The following JHY variants were observed in gnomAD, a reference collection of about 807,000 sequenced individuals.
JHY encodes the protein junctional cadherin complex regulator.
JHY carries 69 observed loss-of-function variants against 78.0 expected under a neutral mutation model. The ratio of observed to expected loss-of-function variants is 0.88; its 90% confidence interval spans 0.73 to 1.08. The LOEUF (loss-of-function observed/expected upper bound fraction) is 1.08. JHY is among the 50% of genes least tolerant of loss of function. The probability of loss-of-function intolerance (pLI) is 0.00; values close to 1 mark genes in which losing one functional copy is unlikely to be tolerated. For synonymous variants in JHY, 368 were observed against 342.6 expected (o/e 1.07, Z -0.82); for missense variants, 944 against 927.8 (o/e 1.02, Z -0.23).
In JHY at chr11:122,898,470, T is replaced by C. The variant is rs1296467574; in HGVS notation, c.345-5455T>C. Reference sequence around the variant, plus strand: ...AATGGGGGTAATAATAGTACTTCCCTTAACATTGTTCCAAGGAAAAAAAAC... The same window carrying C: ...AATGGGGGTAATAATAGTACTTCCCCTAACATTGTTCCAAGGAAAAAAAAC... On this transcript the variant is annotated intron_variant, in intron 2 of 8. Coordinates refer to ENST00000227349, the MANE Select transcript of JHY (RefSeq NM_024806.4). This position sits in a 1 kb window ranked among gnomAD's most constrained non-coding sequence, Gnocchi z 4.4. Among the ~76,000 whole-genome samples the C allele has an allele frequency of 6.6e-6, 1 of 152,150 alleles. No homozygotes were observed. The highest frequency in any genetic ancestry group is 2.4e-5 in the African/African-American group (1 of 41,440).
Position 122,962,746 on chromosome 11 carries a change from G to C in JHY, c.*3301G>C, listed in dbSNP as rs186508318. On this transcript the variant is annotated 3_prime_UTR_variant, in exon 9 of 9. Coordinates refer to ENST00000227349, the MANE Select transcript of JHY (RefSeq NM_024806.4). The stretch of plus-strand genomic sequence containing the variant: ...ATTTGTATTATCTTAAAATAGTTTA[G>C]AGCTTGGAAAGTTTGTCACATTCAA... 1.2e-4 allele frequency among the ~76,000 whole-genome samples: 19 copies of C among 152,232 alleles called. No individual in the cohort carries two copies. The highest frequency in any genetic ancestry group is 4.6e-4 in the African/African-American group (19 of 41,550).
chr11:122,905,229 TA>T (rs746243444), intron 3 of JHY: 1 of 1,614,134 alleles, frequency 6.2e-7, no homozygotes. Context: ...TTGGAGCCAG[TA>T]AACTTAGTTC....
At chr11:122,928,789 T>C (rs1013310916) in intron 4 of JHY, among the ~76,000 whole-genome samples, 4 of 151,732 alleles carry the variant, frequency 2.6e-5, no homozygotes, top group Admixed American at 6.6e-5. Context: ...GCTGGGACTA[T>C]AGGCACCCGC....
At chr11:122,957,517 A>AT in intron 8 of JHY, 26 bp downstream of exon 8, 1 of 1,473,932 alleles carries the variant, frequency 6.8e-7, no homozygotes, top group Non-Finnish European at 9.0e-7. Context: ...CAAGGCATTT[A>AT]TTTTTTCAAG....
Position 122,930,825 on chromosome 11 carries a change from A to T in JHY, c.979-3595A>T, listed in dbSNP as rs557420851. ...TTCCCACTGGCAGAAGATCTTTTCC[A>T]GGTATCTTAGTCTGTTTGTGCTGCT... On this transcript the variant is annotated intron_variant, in intron 4 of 8. Transcript: ENST00000227349. 8.5e-5 allele frequency among the ~76,000 whole-genome samples: 13 copies of T among 152,322 alleles called. No individual in the cohort carries two copies. In the South Asian group the frequency reaches 2.7e-3, roughly 32 times the overall value.
chr11:122,906,250 C>T (rs1044934502), intron 3 of JHY, among the ~76,000 whole-genome samples: 1 of 152,194 alleles, frequency 6.6e-6, no homozygotes, highest in African/African-American at 2.4e-5. Flanking sequence ...TGCAATCGCA[C>T]GATCATAGCT....
At chr11:122,902,184 C>A (rs1021426421) in intron 2 of JHY, among the ~76,000 whole-genome samples, 4 of 151,868 alleles carry the variant, frequency 2.6e-5, no homozygotes, top group South Asian at 4.2e-4. Context: ...TGGCTGGGGA[C>A]GGTGGCTTGC....
chr11:122,891,110 A>C (rs1862606176), intron 2 of JHY, among the ~76,000 whole-genome samples: 1 of 152,208 alleles, frequency 6.6e-6, no homozygotes, highest in Admixed American at 6.5e-5. Context: ...TATGAAATTC[A>C]AGTAGGCTTT....
At chr11:122,959,045 T>C (rs1591404313) in intron 8 of JHY, 1 of 974,106 alleles carries the variant, frequency 1.0e-6, no homozygotes, top group East Asian at 1.1e-4. Flanking sequence ...CTCCTTTTTT[T>C]CCACAATATA....
chr11:122,888,538 G>A (rs78040546), intron 2 of JHY, among the ~76,000 whole-genome samples: 1 of 145,846 alleles, frequency 6.9e-6, no homozygotes, highest in African/African-American at 2.5e-5. Flanking sequence ...TACTGATGCT[G>A]TTTTTTTTTT....
Position 122,886,001 on chromosome 11 carries a change from C to T in JHY, c.152C>T (p.Thr51Met), listed in dbSNP as rs374078669. 2.8e-5 allele frequency: 45 copies of T among 1,614,106 alleles called. 1 individual carries two copies. Among genetic ancestry groups the T allele is most frequent in the Non-Finnish European group, 3.5e-5 (41 of 1,180,028 alleles). The change falls in exon 2 of 9, where the codon ACG (threonine) becomes ATG (methionine). Residue 51 changes from threonine to methionine, a missense_variant. Thr to Met is a moderately conservative substitution (Grantham distance 81). Coordinates refer to ENST00000227349, the MANE Select transcript of JHY (RefSeq NM_024806.4). ...DSLESDSESL[T>M]QEIMCHSEFD... ...TTGGAATCTGATTCAGAAAGCCTCACGCAAGAGATTATGTGCCATTCTGAG... is the reference window on the plus strand; with the variant it reads ...TTGGAATCTGATTCAGAAAGCCTCATGCAAGAGATTATGTGCCATTCTGAG...
At chr11:122,914,575 G>C (rs1162993375) in intron 3 of JHY, among the ~76,000 whole-genome samples, 2 of 152,088 alleles carry the variant, frequency 1.3e-5, no homozygotes, top group Non-Finnish European at 2.9e-5. Flanking sequence ...CTCCTGAGTA[G>C]CTGGGATTAT....
intron 5 of JHY, among the ~76,000 whole-genome samples, chr11:122,937,417 A>G (rs767625331): frequency 3.3e-5 from 5 of 152,024 alleles, no homozygotes; most frequent in Non-Finnish European, 5.9e-5. Flanking sequence ...TCTTGGAGCC[A>G]GACTTTGTAG....
intron 3 of JHY, chr11:122,905,467 T>A (rs912739613): frequency 6.2e-6 from 8 of 1,296,302 alleles, no homozygotes; most frequent in Non-Finnish European, 7.8e-6. Context: ...TATTTTTTTT[T>A]AACATATTCT....
At position 122,963,336 on chromosome 11, in the gene JHY, T is replaced by G. The variant is rs1864350644; in HGVS notation, c.*3891T>G. 6.6e-6 allele frequency among the ~76,000 whole-genome samples: 1 copy of G among 152,198 alleles called. No homozygotes were observed. The highest frequency in any genetic ancestry group is 2.4e-5 in the African/African-American group (1 of 41,464). ...AGGATTCTTACCCCCAAGGCAACTC[T>G]TTACTATCCAGTACATAAGACTCTA... On this transcript the variant is annotated 3_prime_UTR_variant, in exon 9 of 9. Coordinates refer to ENST00000227349, the MANE Select transcript of JHY (RefSeq NM_024806.4).
chr11:122,948,466 A>G (rs1330393689), intron 6 of JHY, among the ~76,000 whole-genome samples: 3 of 149,442 alleles, frequency 2.0e-5, no homozygotes. Flanking sequence ...AATAATAATA[A>G]TAATAATAAT....
Position 122,957,511 on chromosome 11 carries a change from G to A in JHY, c.2139+20G>A. ...CAGAAGGTAAGAAATTCTCAACAAGGCATTTATTTTTTCAAGCAGAATTAA... is the reference window on the plus strand; with the variant it reads ...CAGAAGGTAAGAAATTCTCAACAAGACATTTATTTTTTCAAGCAGAATTAA... On this transcript the variant is annotated intron_variant, in intron 8 of 8. Coordinates refer to ENST00000227349, the MANE Select transcript of JHY (RefSeq NM_024806.4). The A allele has an allele frequency of 2.0e-6, 3 of 1,475,170 alleles. No individual in the cohort carries two copies. The highest frequency in any genetic ancestry group is 2.7e-6 in the Non-Finnish European group (3 of 1,118,942). 91.4% of individuals were successfully genotyped at this position (1,475,170 alleles called of 1,614,324 possible).
intron 3 of JHY, among the ~76,000 whole-genome samples, chr11:122,910,539 GA>G (rs1357090794): frequency 2.6e-5 from 4 of 152,024 alleles, no homozygotes; most frequent in Admixed American, 2.6e-4. Flanking sequence ...GCACGCATAA[GA>G]AATTGTGGAC....
intron 3 of JHY, among the ~76,000 whole-genome samples, chr11:122,907,824 ACT>A (rs1169253406): frequency 7.0e-6 from 1 of 143,398 alleles, no homozygotes; most frequent in Non-Finnish European, 1.5e-5. Context: ...CAAGAGTGAA[ACT>A]CTATCTCAAA....
Sources: allele counts gnomAD v4.1 joint callset (sites outside exome capture counted in the v4.1 genomes callset), GRCh38; gene constraint gnomAD v4.1.1; non-coding constraint Gnocchi (gnomAD v3.1); transcripts MANE v1.5; gene names NCBI Gene and HGNC (gene_info 2026-07-23, HGNC 2026-07-21).